SIMC1: variants seen among roughly 807,000 people sequenced by gnomAD.
The protein encoded by SIMC1 is SUMO interacting motifs containing 1.
Under a neutral mutation model 82.3 loss-of-function variants are expected in SIMC1, and 55 were observed. The ratio of observed to expected loss-of-function variants is 0.67; its 90% confidence interval spans 0.54 to 0.84. The LOEUF (loss-of-function observed/expected upper bound fraction) is 0.84. Among genes scored for constraint, SIMC1 ranks in the 40% least tolerant of loss-of-function variants. The probability of loss-of-function intolerance (pLI) is 0.00; values close to 1 mark genes in which losing one functional copy is unlikely to be tolerated. For missense variants in SIMC1, 915 were observed against 1,107.2 expected (o/e 0.83, Z 2.46); for synonymous variants, 353 against 426.3 (o/e 0.83, Z 2.12).
intron 4 of SIMC1, chr5:176,308,853 AT>A: frequency 7.9e-7 from 1 of 1,263,598 alleles, no homozygotes; most frequent in Non-Finnish European, 1.2e-6. Context: ...AAGATCCATA[AT>A]GGCTCAGTGT....
chr5:176,268,843 T>G (rs1166346982), intron 1 of SIMC1, among the ~76,000 whole-genome samples: 1 of 152,184 alleles, frequency 6.6e-6, no homozygotes. Flanking sequence ...TTTATAGAAC[T>G]GTAACTAACA....
At chr5:176,310,886 TAAAA>T (rs1327429235) in intron 4 of SIMC1, among the ~76,000 whole-genome samples, 5 of 151,626 alleles carry the variant, frequency 3.3e-5, no homozygotes, top group Non-Finnish European at 7.4e-5. Context: ...AAAATAAAAA[TAAAA>T]AATAAAAAAG....
At chr5:176,315,617 C>T (rs894061882) in intron 5 of SIMC1, among the ~76,000 whole-genome samples, 7 of 152,162 alleles carry the variant, frequency 4.6e-5, no homozygotes, top group African/African-American at 1.7e-4. Flanking sequence ...CATTTACGCT[C>T]TCATATGTTC....
chr5:176,291,914 G>T (rs1368128172), intron 2 of SIMC1, among the ~76,000 whole-genome samples: 5 of 152,274 alleles, frequency 3.3e-5, no homozygotes, highest in African/African-American at 9.6e-5. Flanking sequence ...CTTCTAGCTG[G>T]ATGTGGTGGC....
intron 1 of SIMC1, among the ~76,000 whole-genome samples, chr5:176,265,437 A>G (rs1762168079): frequency 6.6e-6 from 1 of 152,256 alleles, no homozygotes. Context: ...TAAGTGGGTG[A>G]TAAGCCTCGG....
rs571434177 is a variant in SIMC1 at position 176,279,514 on chromosome 5, A to T, written c.130-10140A>T. Among the ~76,000 whole-genome samples, 349 of 150,922 alleles carry T rather than the reference A, an allele frequency of 2.3e-3. 2 individuals carry two copies. Among genetic ancestry groups the T allele is most frequent in the African/African-American group, 8.0e-3 (330 of 41,120 alleles). ...TTTTAGTTATTTCTTGCCTTCTGCTAGCTTTTGAATGTGTTTGCTCTTGCT... is the reference window on the plus strand; with the variant it reads ...TTTTAGTTATTTCTTGCCTTCTGCTTGCTTTTGAATGTGTTTGCTCTTGCT... On this transcript the variant is annotated intron_variant, in intron 1 of 9. Transcript: ENST00000429602.
chr5:176,242,275 AAAAT>A lies in SIMC1; in HGVS notation c.129+3641_129+3644del, dbSNP rs1056638461. Reference sequence around the variant, plus strand: ...AGTTGTGATACAAATTAAAAAGAAAAAAATAATGAATTTAAAAATATGCAGTTGT... The same window carrying A: ...AGTTGTGATACAAATTAAAAAGAAAAAATGAATTTAAAAATATGCAGTTGT... On this transcript the variant is annotated intron_variant, in intron 1 of 9. Transcript: ENST00000429602. Among the ~76,000 whole-genome samples, 59 of 152,072 alleles carry A rather than the reference AAAAT, an allele frequency of 3.9e-4. 1 individual carries two copies. The highest frequency in any genetic ancestry group is 1.2e-3 in the African/African-American group (51 of 41,356).
At chr5:176,337,517 C>T (rs537579564) in intron 9 of SIMC1, among the ~76,000 whole-genome samples, 1 of 152,246 alleles carries the variant, frequency 6.6e-6, no homozygotes, top group South Asian at 2.1e-4. Context: ...TCATTTGAAC[C>T]CAGGAGGCAG....
In SIMC1 at chr5:176,295,044, A is replaced by T. The variant is rs973570865; in HGVS notation, c.1446A>T (p.Lys482Asn). Residue 482 changes from lysine (K) to asparagine (N), a missense_variant, in exon 3 of 10, where the codon AAA becomes AAT. Coordinates refer to ENST00000429602, the MANE Select transcript of SIMC1 (RefSeq NM_001308195.2). ...AATCTCTACAGAACAAGGGTCAAAAATTAGAACCCATCCCTCATCGAAGAC... is the reference window on the plus strand; with the variant it reads ...AATCTCTACAGAACAAGGGTCAAAATTTAGAACCCATCCCTCATCGAAGAC... ...DKDTRENKGQ[K>N]LEPIPHRRLR... 3.7e-6 allele frequency: 6 copies of T among 1,613,300 alleles called. No individual in the cohort carries two copies. In the African/African-American group the frequency reaches 5.3e-5, roughly 14 times the overall value.
chr5:176,292,192 G>A lies in SIMC1; in HGVS notation c.1431+1237G>A, dbSNP rs114688981. Among the ~76,000 whole-genome samples the A allele has an allele frequency of 2.4e-3, 372 of 152,252 alleles. 1 individual carries two copies. Among genetic ancestry groups the A allele is most frequent in the Middle Eastern group, 0.01 (3 of 294 alleles). On this transcript the variant is annotated intron_variant, in intron 2 of 9. Coordinates refer to ENST00000429602, the MANE Select transcript of SIMC1 (RefSeq NM_001308195.2). ...AAAATTATTACTTGCTGACTTTGGG[G>A]GAGGAAATTCAATATTAAGACATGA...
At chr5:176,277,299 GT>G (rs1561686500) in intron 1 of SIMC1, among the ~76,000 whole-genome samples, 1 of 151,696 alleles carries the variant, frequency 6.6e-6, no homozygotes, top group African/African-American at 2.4e-5. Flanking sequence ...GGGGTTCTTT[GT>G]TTTTTTCTTG....
Position 176,322,445 on chromosome 5 carries a change from C to T in SIMC1, c.2042+20C>T. ...TCAGCTGTAAGGGGCAGGCAGTTCTCTTTCCTGGGGCTCTTGGGGTTTAGT... is the reference window on the plus strand; with the variant it reads ...TCAGCTGTAAGGGGCAGGCAGTTCTTTTTCCTGGGGCTCTTGGGGTTTAGT... On this transcript the variant is annotated intron_variant, in intron 6 of 9. Transcript: ENST00000429602. The T allele has an allele frequency of 6.2e-7, 1 of 1,601,172 alleles. No individual in the cohort carries two copies. The highest frequency in any genetic ancestry group is 1.7e-4 in the Middle Eastern group (1 of 6,042).
intron 1 of SIMC1, among the ~76,000 whole-genome samples, chr5:176,246,852 A>C (rs1761465696): frequency 6.6e-6 from 1 of 151,938 alleles, no homozygotes. Context: ...AAGTGAGAAC[A>C]TGCAGTGTTT....
chr5:176,345,209 C>T lies in SIMC1; in HGVS notation c.2440C>T (p.Arg814Ter), dbSNP rs778180083. Residue 814 changes from arginine to a stop codon, truncating the protein, a stop_gained, in exon 10 of 10, where the codon CGA becomes TGA. Transcript: ENST00000429602. LOFTEE classifies it high-confidence loss of function. ...REHLRSSVID[R>*]KDLIIKRIKP... ...ACACTTAAGGAGTTCCGTGATCGACCGAAAGGACTTAATAATCAAAAGGAT... is the reference window on the plus strand; with the variant it reads ...ACACTTAAGGAGTTCCGTGATCGACTGAAAGGACTTAATAATCAAAAGGAT... The T allele has an allele frequency of 8.7e-6, 14 of 1,613,684 alleles. No homozygotes were observed. Among genetic ancestry groups the T allele is most frequent in the African/African-American group, 1.3e-5 (1 of 74,890 alleles).
At chr5:176,279,903 C>G (rs1028959961) in intron 1 of SIMC1, among the ~76,000 whole-genome samples, 1 of 151,952 alleles carries the variant, frequency 6.6e-6, no homozygotes, top group African/African-American at 2.4e-5. Context: ...AGTATGTGGT[C>G]AATTTTGGAA....
chr5:176,238,621 T>G lies in SIMC1; in HGVS notation c.113T>G (p.Leu38Arg), dbSNP rs1430450597. 1 of 1,227,820 alleles carries G rather than the reference T, an allele frequency of 8.1e-7. No individual in the cohort carries two copies. The highest frequency in any genetic ancestry group is 3.5e-5 in the East Asian group (1 of 28,434). The allele number at this position is 1,227,820 out of a possible 1,614,324, so 76.1% of individuals were successfully genotyped here. The change falls in exon 1 of 10, where the codon CTG (leucine) becomes CGG (arginine). Residue 38 changes from leucine to arginine, a missense_variant. By Grantham distance (102) the Leu-to-Arg change is moderately radical. Around this residue, in one of 2 missense-constraint regions of SIMC1, gnomAD observed 13 missense variants for 66.9 expected, o/e 0.19. Transcript: ENST00000429602. ...GCCCTGTCGCGAACCTCCGGCGCGC[T>G]GCCCCGCCGGACCGTGGTGAGTGAG... ...RRALSRTSGA[L>R]PRRTVDFIDL...
chr5:176,252,768 C>G (rs1314509707), intron 1 of SIMC1, among the ~76,000 whole-genome samples: 1 of 152,240 alleles, frequency 6.6e-6, no homozygotes, highest in East Asian at 1.9e-4. Context: ...AATCTCGGCA[C>G]TTTGGGGGGC....
chr5:176,242,438 T>G (rs1467478698), intron 1 of SIMC1, among the ~76,000 whole-genome samples: 1 of 151,844 alleles, frequency 6.6e-6, no homozygotes, highest in Non-Finnish European at 1.5e-5. Flanking sequence ...TGGTAGTAAA[T>G]GGATAAAATA....
chr5:176,312,596 T>A (rs1352738649), intron 4 of SIMC1, among the ~76,000 whole-genome samples: 1 of 150,854 alleles, frequency 6.6e-6, no homozygotes, highest in African/African-American at 2.4e-5. Flanking sequence ...AAAAAGCATT[T>A]GCATCAGTTA....
Sources: gnomAD v4.1 joint callset for allele counts (sites outside exome capture counted in the v4.1 genomes callset) on GRCh38, gnomAD v4.1.1 for gene constraint, gnomAD v4.1.1 regional missense constraint, MANE v1.5 for transcripts, NCBI Gene and HGNC (gene_info 2026-07-23, HGNC 2026-07-21) for gene names.